The following TENT4B variants were observed in gnomAD, a reference collection of about 807,000 sequenced individuals.
The protein encoded by TENT4B is PAP associated domain containing 5.
TENT4B carries 10 observed loss-of-function variants against 75.0 expected under a neutral mutation model. The observed-to-expected ratio is 0.13, with a 90% CI of 0.08 to 0.23. The LOEUF (loss-of-function observed/expected upper bound fraction) is 0.23, where lower values mean the gene tolerates loss of function less well. TENT4B is among the 10% of genes least tolerant of loss of function. The probability of loss-of-function intolerance (pLI) is 1.00; values close to 1 mark genes in which losing one functional copy is unlikely to be tolerated. For missense variants in TENT4B, 579 were observed against 893.8 expected, an observed-to-expected ratio of 0.65 and a Z score of 4.49; for synonymous variants, 350 against 357.7, an observed-to-expected ratio of 0.98 and a Z score of 0.24.
chr16:50,222,515 C>G, intron 6 of TENT4B, 81 bp downstream of exon 6: 5 of 1,460,118 alleles, frequency 3.4e-6, no homozygotes, highest in South Asian at 2.6e-5. Context: ...TGGAAAAAAT[C>G]GAAATCAACC....
Position 50,233,642 on chromosome 16 carries a change from T to A in TENT4B, c.*4314T>A. 1 of 983,606 alleles carries A rather than the reference T, an allele frequency of 1.0e-6. No individual in the cohort carries two copies. The highest frequency in any genetic ancestry group is 1.7e-5 in the African/African-American group (1 of 57,340). The allele number at this position is 983,606 out of a possible 1,614,324, so 60.9% of individuals were successfully genotyped here. On this transcript the variant is annotated 3_prime_UTR_variant, in exon 12 of 12. Coordinates refer to ENST00000561678, the MANE Select transcript of TENT4B (RefSeq NM_001365324.3). ...TAAATATTTGAGGACAGTTTTTAGT[T>A]AATAAACTGCTAATGTTTATTTTAC...
At chr16:50,205,050 G>C (rs779592702) in intron 1 of TENT4B, among the ~76,000 whole-genome samples, 34 of 152,110 alleles carry the variant, frequency 2.2e-4, no homozygotes, top group Non-Finnish European at 4.3e-4. Context: ...TTTCTGCTTT[G>C]TGTTTTCTTT....
intron 1 of TENT4B, among the ~76,000 whole-genome samples, chr16:50,165,416 TCTA>T (rs1235953541): frequency 6.6e-6 from 1 of 152,226 alleles, no homozygotes; most frequent in Non-Finnish European, 1.5e-5. Context: ...CCTTTATTTT[TCTA>T]CTTATTTTTA....
At position 50,229,590 on chromosome 16, in the gene TENT4B, A is replaced by G. The variant is rs951581641; in HGVS notation, c.*262A>G. On this transcript the variant is annotated 3_prime_UTR_variant, in exon 12 of 12. Coordinates refer to ENST00000561678, the MANE Select transcript of TENT4B (RefSeq NM_001365324.3). ...ATAAGTCATATGCTACAACAGGGTC[A>G]TTTTAAGATTTAAAGCTTGAATGTA... 1 of 1,172,752 alleles carries G rather than the reference A, an allele frequency of 8.5e-7. No homozygotes were observed. Among genetic ancestry groups the G allele is most frequent in the African/African-American group, 1.6e-5 (1 of 62,844 alleles). The allele number at this position is 1,172,752 out of a possible 1,614,324, so 72.6% of individuals were successfully genotyped here.
intron 1 of TENT4B, among the ~76,000 whole-genome samples, chr16:50,171,716 G>T (rs2038209854): frequency 6.6e-6 from 1 of 152,044 alleles, no homozygotes; most frequent in Non-Finnish European, 1.5e-5. Context: ...TGTAAGCCTA[G>T]CACTTTGGGA....
At chr16:50,163,548 C>T (rs559458641) in intron 1 of TENT4B, among the ~76,000 whole-genome samples, 1 of 151,226 alleles carries the variant, frequency 6.6e-6, no homozygotes, top group East Asian at 2.0e-4. Context: ...TACAGGCGCC[C>T]GCCACCACAC....
At chr16:50,215,653 A>G (rs1168802087) in intron 3 of TENT4B, among the ~76,000 whole-genome samples, 1 of 152,188 alleles carries the variant, frequency 6.6e-6, no homozygotes, top group African/African-American at 2.4e-5. Context: ...TGTGTATATT[A>G]ACACAAATGG....
chr16:50,222,457 G>A, intron 6 of TENT4B, 23 bp downstream of exon 6: 1 of 1,604,690 alleles, frequency 6.2e-7, no homozygotes, highest in Non-Finnish European at 8.5e-7. Context: ...GGTATAGCAT[G>A]CTAGTGCACA....
At chr16:50,167,640 A>C (rs2038127013) in intron 1 of TENT4B, among the ~76,000 whole-genome samples, 1 of 146,986 alleles carries the variant, frequency 6.8e-6, no homozygotes, top group Non-Finnish European at 1.5e-5. Flanking sequence ...TCTTGTATTT[A>C]GGTCTTTGAT....
intron 1 of TENT4B, among the ~76,000 whole-genome samples, chr16:50,186,841 A>G (rs754085876): frequency 2.6e-5 from 4 of 152,084 alleles, no homozygotes; most frequent in Non-Finnish European, 2.9e-5. Flanking sequence ...TGGCCTCCCA[A>G]AGTGCTAGGA....
chr16:50,217,940 ATT>A (rs758049566), intron 5 of TENT4B, among the ~76,000 whole-genome samples: 86 of 131,454 alleles, frequency 6.5e-4, no homozygotes, highest in Admixed American at 8.4e-4. Context: ...TATTTTTTGT[ATT>A]TTTTTTTTTT....
In TENT4B at chr16:50,235,048, G is replaced by A; in HGVS notation, c.*5720G>A. The A allele has an allele frequency of 1.0e-6, 1 of 985,386 alleles. No individual in the cohort carries two copies. Among genetic ancestry groups the A allele is most frequent in the African/African-American group, 1.7e-5 (1 of 57,328 alleles). The allele number at this position is 985,386 out of a possible 1,614,324, so 61.0% of individuals were successfully genotyped here. On this transcript the variant is annotated 3_prime_UTR_variant, in exon 12 of 12. Coordinates refer to ENST00000561678, the MANE Select transcript of TENT4B (RefSeq NM_001365324.3). Reference sequence around the variant, plus strand: ...GACACTAAGGAATTTACCAGAAAAAGATATTTGATACAAGTGATTTAAGAA... The same window carrying A: ...GACACTAAGGAATTTACCAGAAAAAAATATTTGATACAAGTGATTTAAGAA...
At chr16:50,218,877 T>A (rs977315951) in intron 5 of TENT4B, among the ~76,000 whole-genome samples, 2 of 152,212 alleles carry the variant, frequency 1.3e-5, no homozygotes, top group African/African-American at 4.8e-5. Flanking sequence ...CTTTCTCACC[T>A]CTAACCTAAG....
At chr16:50,223,047 T>C in intron 6 of TENT4B, 127 bp from the exon 7 acceptor site, 1 of 689,924 alleles carries the variant, frequency 1.4e-6, no homozygotes, top group Non-Finnish European at 2.4e-6. Flanking sequence ...TAGCCCATTA[T>C]CAACTGACTG....
Position 50,222,256 on chromosome 16 carries a change from G to A in TENT4B, c.1039-50G>A, listed in dbSNP as rs769547327. On this transcript the variant is annotated intron_variant, in intron 5 of 11. Coordinates refer to ENST00000561678, the MANE Select transcript of TENT4B (RefSeq NM_001365324.3). ...CAATTTATGCCCCTCTTAATGCTTA[G>A]ATCTGTTGCTGATACAGGAATTCAT... is the stretch of plus-strand genomic sequence containing the variant. The A allele has an allele frequency of 2.6e-6, 4 of 1,517,024 alleles. No homozygotes were observed. The East Asian group carries it at 7.3e-5, about 28-fold the overall frequency. The allele number at this position is 1,517,024 out of a possible 1,614,324, so 94.0% of individuals were successfully genotyped here.
chr16:50,233,298 A>C lies in TENT4B; in HGVS notation c.*3970A>C. ...GTTTCTGACCCTCAAGACTCTAGCT[A>C]CCTGCCATCTTGTCAAAACATTTGT... On this transcript the variant is annotated 3_prime_UTR_variant, in exon 12 of 12. Transcript: ENST00000561678. The C allele has an allele frequency of 1.0e-6, 1 of 985,424 alleles. No individual in the cohort carries two copies. Among genetic ancestry groups the C allele is most frequent in the African/African-American group, 1.7e-5 (1 of 57,348 alleles). The allele number at this position is 985,424 out of a possible 1,614,324, so 61.0% of individuals were successfully genotyped here. A position where few individuals can be genotyped will look rare whatever the true frequency, so the allele number is the denominator to read the frequency against.
In TENT4B at chr16:50,172,181, C is replaced by T. The variant is rs942332586; in HGVS notation, c.638+17922C>T. Among the ~76,000 whole-genome samples the T allele has an allele frequency of 2.8e-4, 42 of 152,230 alleles. 1 individual carries two copies. Among genetic ancestry groups the T allele is most frequent in the African/African-American group, 1.0e-3 (42 of 41,548 alleles). ...CCTGGCTAACATGGTAGAACCCCAC[C>T]TCTACTAAACAGAAGTACAGAAATT... On this transcript the variant is annotated intron_variant, in intron 1 of 11. Coordinates refer to ENST00000561678, the MANE Select transcript of TENT4B (RefSeq NM_001365324.3).
At chr16:50,227,401 C>T (rs2032103998) in intron 10 of TENT4B, among the ~76,000 whole-genome samples, 1 of 152,170 alleles carries the variant, frequency 6.6e-6, no homozygotes, top group South Asian at 2.1e-4. Flanking sequence ...GCGGGAAGTC[C>T]ACCCCCACCC....
Position 50,216,117 on chromosome 16 carries a change from C to T in TENT4B, c.852C>T (p.Pro284=). ...LVVFGKWENL[P]LWTLEEALRK... ...TGTTTGGGAAGTGGGAGAACCTACCCCTCTGGACTCTGGAAGAAGCTCTTC... is the reference window on the plus strand; with the variant it reads ...TGTTTGGGAAGTGGGAGAACCTACCTCTCTGGACTCTGGAAGAAGCTCTTC... The change falls in exon 4 of 12, where the codon CCC becomes CCT. Residue 284 remains proline (P), a synonymous_variant. Transcript: ENST00000561678. The T allele has an allele frequency of 6.2e-7, 1 of 1,613,928 alleles. No homozygotes were observed. Among genetic ancestry groups the T allele is most frequent in the Non-Finnish European group, 8.5e-7 (1 of 1,179,864 alleles).
Sources: allele counts gnomAD v4.1 joint callset (sites outside exome capture counted in the v4.1 genomes callset), GRCh38; gene constraint gnomAD v4.1.1; transcripts MANE v1.5; gene names NCBI Gene and HGNC (gene_info 2026-07-23, HGNC 2026-07-21).